ZNF407: variants seen among roughly 807,000 people sequenced by gnomAD.
ZNF407 encodes the protein zinc finger protein 407.
A neutral mutation model predicts 131.2 loss-of-function variants in ZNF407; 17 were observed. That is an observed-to-expected ratio of 0.13 (90% CI 0.09 to 0.19). The LOEUF (loss-of-function observed/expected upper bound fraction) is 0.19. Among genes scored for constraint, ZNF407 ranks in the 10% least tolerant of loss-of-function variants. The pLI, the probability that ZNF407 is intolerant of heterozygous loss-of-function variation, is 1.00. For synonymous variants in ZNF407, 1,156 were observed against 1,062.0 expected, an observed-to-expected ratio of 1.09 and a Z score of -1.72; for missense variants, 2,681 against 2,830.6, an observed-to-expected ratio of 0.95 and a Z score of 1.20.
intron 5 of ZNF407, among the ~76,000 whole-genome samples, chr18:74,880,480 T>G (rs1971222678): frequency 6.6e-6 from 1 of 152,210 alleles, no homozygotes. Flanking sequence ...GGTACTAATA[T>G]AGATTTTATT....
At chr18:74,907,204 A>G (rs538445768) in intron 7 of ZNF407, among the ~76,000 whole-genome samples, 1 of 152,330 alleles carries the variant, frequency 6.6e-6, no homozygotes, top group South Asian at 2.1e-4. Flanking sequence ...ATGCCCAGAT[A>G]GTACACACAC....
At chr18:74,987,196 C>T (rs753285164) in intron 8 of ZNF407, among the ~76,000 whole-genome samples, 2 of 151,164 alleles carry the variant, frequency 1.3e-5, no homozygotes, top group African/African-American at 4.9e-5. Flanking sequence ...TGCTTAGAGG[C>T]GTGTCGTTGT....
At chr18:75,037,366 A>C (rs944110463) in intron 8 of ZNF407, among the ~76,000 whole-genome samples, 5 of 152,066 alleles carry the variant, frequency 3.3e-5, no homozygotes, top group African/African-American at 1.2e-4. Flanking sequence ...TCTTAATCAC[A>C]CACCCCTCCC....
At chr18:74,649,701 G>A (rs1009057881) in intron 3 of ZNF407, among the ~76,000 whole-genome samples, 30 of 152,110 alleles carry the variant, frequency 2.0e-4, no homozygotes, top group African/African-American at 7.0e-4. Context: ...TGTGACTCTC[G>A]GGTCAGGGCT....
rs751517632 is a variant in ZNF407 at position 75,064,213 on chromosome 18, C to T, written c.6492C>T (p.Ser2164=). 26 of 1,605,716 alleles carry T rather than the reference C, an allele frequency of 1.6e-5. No individual in the cohort carries two copies. The highest frequency in any genetic ancestry group is 5.6e-5 in the South Asian group (5 of 89,640). Reference sequence around the variant, plus strand: ...TGCAGGAGTCCAGTGGCGGCTTCTCCGAGGGCACCACGCACTACATCCTGA... The same window carrying T: ...TGCAGGAGTCCAGTGGCGGCTTCTCTGAGGGCACCACGCACTACATCCTGA... The part of the protein sequence containing the change: ...AMVQESSGGF[S]EGTTHYILTE... Residue 2164 remains serine, a synonymous_variant, in exon 9 of 9, where the codon TCC becomes TCT. Coordinates refer to ENST00000299687, the MANE Select transcript of ZNF407 (RefSeq NM_017757.3).
chr18:74,630,746 A>C (rs892127095), intron 1 of ZNF407, among the ~76,000 whole-genome samples: 2 of 152,112 alleles, frequency 1.3e-5, no homozygotes, highest in African/African-American at 4.8e-5. Context: ...TCTACCAAAG[A>C]TACCATAGTA....
chr18:74,781,579 C>T (rs1048302949), intron 4 of ZNF407, 77 bp downstream of exon 4: 1 of 1,136,960 alleles, frequency 8.8e-7, no homozygotes, highest in African/African-American at 1.6e-5. Flanking sequence ...GACATGACTT[C>T]TAGACTTTTT....
chr18:74,660,000 T>C (rs992792703), intron 3 of ZNF407, among the ~76,000 whole-genome samples: 2 of 152,154 alleles, frequency 1.3e-5, no homozygotes, highest in African/African-American at 2.4e-5. Context: ...ATTAAAGATA[T>C]TGTTCAAAGA....
intron 8 of ZNF407, among the ~76,000 whole-genome samples, chr18:75,060,490 C>CT (rs1237220750): frequency 1.6e-4 from 22 of 138,278 alleles, no homozygotes; most frequent in South Asian, 4.6e-4. Context: ...CAGCTCTTTT[C>CT]TTTTTTTTCT....
chr18:74,936,307 T>C (rs531606572), intron 8 of ZNF407, among the ~76,000 whole-genome samples: 19 of 152,340 alleles, frequency 1.2e-4, no homozygotes, highest in Admixed American at 4.6e-4. Flanking sequence ...TTAATATGCA[T>C]AGTCATTTTC....
At chr18:74,657,638 C>T (rs1174105930) in intron 3 of ZNF407, among the ~76,000 whole-genome samples, 1 of 152,192 alleles carries the variant, frequency 6.6e-6, no homozygotes, top group East Asian at 1.9e-4. Context: ...AACTAACTGG[C>T]TGTAAAGTGT....
intron 3 of ZNF407, among the ~76,000 whole-genome samples, chr18:74,667,702 C>T (rs932882754): frequency 1.2e-4 from 19 of 152,126 alleles, no homozygotes; most frequent in African/African-American, 4.3e-4. Flanking sequence ...CATCTAAGGT[C>T]GTCTTGACAA....
intron 3 of ZNF407, among the ~76,000 whole-genome samples, chr18:74,739,621 G>A (rs1181336627): frequency 6.6e-6 from 1 of 151,840 alleles, no homozygotes; most frequent in Non-Finnish European, 1.5e-5. Context: ...TTGAAAGGAG[G>A]TACATGATTA....
intron 3 of ZNF407, among the ~76,000 whole-genome samples, chr18:74,723,428 G>C (rs776954723): frequency 6.6e-6 from 1 of 152,070 alleles, no homozygotes; most frequent in Admixed American, 6.6e-5. Flanking sequence ...TCAAAGACTG[G>C]GTATGTTTTC....
intron 6 of ZNF407, among the ~76,000 whole-genome samples, chr18:74,884,973 G>T (rs1254988324): frequency 6.6e-6 from 1 of 152,126 alleles, no homozygotes. Context: ...TTGCGATAAA[G>T]AAAATAGCAG....
intron 4 of ZNF407, among the ~76,000 whole-genome samples, chr18:74,861,718 C>CTA (rs1970939880): frequency 1.3e-5 from 2 of 152,202 alleles, no homozygotes; most frequent in East Asian, 3.9e-4. Context: ...GTTTGTACTG[C>CTA]TATATATATT....
At chr18:74,915,318 G>A (rs1272514264) in intron 7 of ZNF407, among the ~76,000 whole-genome samples, 3 of 140,856 alleles carry the variant, frequency 2.1e-5, no homozygotes, top group African/African-American at 8.4e-5. Flanking sequence ...TGTTCGAATC[G>A]GGAGTGTGTG....
chr18:74,989,920 A>G (rs1972698751), intron 8 of ZNF407, among the ~76,000 whole-genome samples: 1 of 152,162 alleles, frequency 6.6e-6, no homozygotes. Flanking sequence ...TTATTTATAT[A>G]CTTTTCATTT....
intron 4 of ZNF407, among the ~76,000 whole-genome samples, chr18:74,794,329 CTT>C (rs1470439781): frequency 3.9e-5 from 6 of 152,042 alleles, no homozygotes; most frequent in Admixed American, 2.6e-4. Context: ...TGTGGAATTC[CTT>C]TTTCTCTTTA....
Sources: gnomAD v4.1 joint callset for allele counts (sites outside exome capture counted in the v4.1 genomes callset) on GRCh38, gnomAD v4.1.1 for gene constraint, MANE v1.5 for transcripts, NCBI Gene and HGNC (gene_info 2026-07-23, HGNC 2026-07-21) for gene names.